Variants in VTI1A observed in about 807,000 individuals in gnomAD.
VTI1A encodes the protein vesicle transport through interaction with t-SNAREs 1A.
In VTI1A, 22 loss-of-function variants were observed where a neutral mutation model predicts 34.9. The ratio of observed to expected loss-of-function variants is 0.63; its 90% CI spans 0.45 to 0.90. The LOEUF (loss-of-function observed/expected upper bound fraction) is 0.90. Among genes scored for constraint, VTI1A ranks in the 40% least tolerant of loss-of-function variants. The pLI is 0.00. For missense variants in VTI1A, 268 were observed against 275.6 expected (o/e 0.97, Z 0.20); for synonymous variants, 87 against 97.3 (o/e 0.89, Z 0.62).
At chr10:112,646,470 T>C (rs1846787882) in intron 5 of VTI1A, among the ~76,000 whole-genome samples, 1 of 151,600 alleles carries the variant, frequency 6.6e-6, no homozygotes. Context: ...TCAGGAAATG[T>C]GAATTGTGGG....
chr10:112,766,991 T>C (rs1851670508), intron 7 of VTI1A, among the ~76,000 whole-genome samples: 2 of 152,248 alleles, frequency 1.3e-5, no homozygotes, highest in African/African-American at 4.8e-5. Context: ...GTTATTTAAA[T>C]CTTGCTCCAT....
chr10:112,749,992 G>GC (rs1305194281), intron 7 of VTI1A, among the ~76,000 whole-genome samples: 9 of 152,282 alleles, frequency 5.9e-5, no homozygotes, highest in Admixed American at 2.6e-4. Context: ...AAAGTATTAT[G>GC]CATGTTGATA....
intron 5 of VTI1A, among the ~76,000 whole-genome samples, chr10:112,580,237 T>C (rs951821582): frequency 6.6e-6 from 1 of 152,110 alleles, no homozygotes; most frequent in African/African-American, 2.4e-5. Context: ...ACACTTCCTC[T>C]GAAGCAGGGG....
intron 7 of VTI1A, among the ~76,000 whole-genome samples, chr10:112,715,875 G>A (rs538532627): frequency 2.2e-4 from 34 of 152,320 alleles, no homozygotes; most frequent in African/African-American, 8.2e-4. Flanking sequence ...ACTTGTTGTA[G>A]GCACAGTTGC....
At chr10:112,660,419 C>G (rs1369581169) in intron 5 of VTI1A, among the ~76,000 whole-genome samples, 2 of 152,148 alleles carry the variant, frequency 1.3e-5, no homozygotes, top group Admixed American at 1.3e-4. Context: ...ATTTTAAAGC[C>G]AAGTGGCACT....
intron 3 of VTI1A, among the ~76,000 whole-genome samples, chr10:112,474,208 C>T (rs1848200810): frequency 6.6e-6 from 1 of 151,978 alleles, no homozygotes; most frequent in Non-Finnish European, 1.5e-5. Context: ...ACCACAGGTG[C>T]CCGCCACCAC....
chr10:112,667,146 A>G (rs1320720092), intron 5 of VTI1A, among the ~76,000 whole-genome samples: 1 of 152,122 alleles, frequency 6.6e-6, no homozygotes, highest in Non-Finnish European at 1.5e-5. Flanking sequence ...TACTAACATC[A>G]TTAAATTACT....
intron 3 of VTI1A, among the ~76,000 whole-genome samples, chr10:112,469,250 C>T (rs1848001454): frequency 6.6e-6 from 1 of 152,088 alleles, no homozygotes; most frequent in Non-Finnish European, 1.5e-5. Flanking sequence ...CACAGCTCAA[C>T]CTTTTTTTTC....
At chr10:112,616,994 A>G (rs568027995) in intron 5 of VTI1A, among the ~76,000 whole-genome samples, 1 of 152,308 alleles carries the variant, frequency 6.6e-6, no homozygotes, top group African/African-American at 2.4e-5. Flanking sequence ...TGAAAAGATA[A>G]TATCTGAGAA....
intron 5 of VTI1A, among the ~76,000 whole-genome samples, chr10:112,630,581 T>G (rs1357975288): frequency 6.6e-6 from 1 of 152,226 alleles, no homozygotes; most frequent in Non-Finnish European, 1.5e-5. Context: ...TATAACTGTA[T>G]AGTATTAAGT....
chr10:112,737,411 A>T lies in VTI1A; in HGVS notation c.560+68413A>T, dbSNP rs570358585. On this transcript the variant is annotated intron_variant, in intron 7 of 7. Coordinates refer to ENST00000393077, the MANE Select transcript of VTI1A (RefSeq NM_145206.4). Reference sequence around the variant, plus strand: ...CATTTTGTCCCATAAGAAGATAATTAAAAAATGACAAAAATGAACTGAACA... The same window carrying T: ...CATTTTGTCCCATAAGAAGATAATTTAAAAATGACAAAAATGAACTGAACA... 26 of 1,033,860 alleles carry T rather than the reference A, an allele frequency of 2.5e-5. No individual in the cohort carries two copies. In the South Asian group the frequency reaches 6.0e-4, roughly 24 times the overall value. The allele number at this position is 1,033,860 out of a possible 1,614,324, so 64.0% of individuals were successfully genotyped here. A position where few individuals can be genotyped will look rare whatever the true frequency, so the allele number is the denominator to read the frequency against.
chr10:112,684,000 G>A (rs1044224490), intron 7 of VTI1A, among the ~76,000 whole-genome samples: 4 of 151,100 alleles, frequency 2.6e-5, no homozygotes, highest in African/African-American at 9.7e-5. Flanking sequence ...CTGAGATCGT[G>A]CCACTGCACG....
At chr10:112,629,938 A>G (rs924398315) in intron 5 of VTI1A, among the ~76,000 whole-genome samples, 4 of 152,154 alleles carry the variant, frequency 2.6e-5, no homozygotes, top group African/African-American at 4.8e-5. Flanking sequence ...TTTTTAAACG[A>G]AGATGATTTT....
At chr10:112,742,079 C>T (rs942632210) in intron 7 of VTI1A, among the ~76,000 whole-genome samples, 1 of 152,162 alleles carries the variant, frequency 6.6e-6, no homozygotes, top group Non-Finnish European at 1.5e-5. Flanking sequence ...GATTCCGTTC[C>T]CACTTTACTT....
At chr10:112,654,562 G>A (rs1028649560) in intron 5 of VTI1A, among the ~76,000 whole-genome samples, 1 of 151,912 alleles carries the variant, frequency 6.6e-6, no homozygotes, top group Non-Finnish European at 1.5e-5. Context: ...GCACAGTCTC[G>A]ACTCACTGCA....
intron 3 of VTI1A, among the ~76,000 whole-genome samples, chr10:112,492,098 G>A (rs1848844676): frequency 6.6e-6 from 1 of 152,160 alleles, no homozygotes; most frequent in South Asian, 2.1e-4. Context: ...TAGACATAAT[G>A]TTCTTAAAAG....
intron 5 of VTI1A, among the ~76,000 whole-genome samples, chr10:112,631,439 C>G (rs1482763791): frequency 2.6e-5 from 4 of 152,088 alleles, no homozygotes; most frequent in African/African-American, 9.7e-5. Flanking sequence ...CCACCTAACC[C>G]CTAGTAACAC....
At chr10:112,518,396 G>T (rs939367904) in intron 3 of VTI1A, among the ~76,000 whole-genome samples, 1 of 151,668 alleles carries the variant, frequency 6.6e-6, no homozygotes, top group African/African-American at 2.4e-5. Flanking sequence ...GATGGCATTT[G>T]CTGGGGGAGA....
chr10:112,465,734 G>A (rs2134056062), intron 3 of VTI1A, among the ~76,000 whole-genome samples: 1 of 152,178 alleles, frequency 6.6e-6, no homozygotes, highest in East Asian at 1.9e-4. Flanking sequence ...GTTGTTTCAT[G>A]GGCAAAGAGT....
Sources: gnomAD v4.1 joint callset for allele counts (sites outside exome capture counted in the v4.1 genomes callset) on GRCh38, gnomAD v4.1.1 for gene constraint, MANE v1.5 for transcripts, NCBI Gene and HGNC (gene_info 2026-07-23, HGNC 2026-07-21) for gene names.